INPP4B: variants seen among roughly 807,000 people sequenced by gnomAD.
INPP4B encodes inositol polyphosphate 4-phosphatase type II.
Under a neutral mutation model 122.5 loss-of-function variants are expected in INPP4B, and 55 were observed. That is an observed-to-expected ratio of 0.45 (90% confidence interval 0.36 to 0.56). The LOEUF is 0.56. INPP4B is among the 20% of genes least tolerant of loss of function. INPP4B has a pLI of 0.00. For missense variants in INPP4B, 1,000 were observed against 1,097.7 expected, an observed-to-expected ratio of 0.91 and a Z score of 1.26; for synonymous variants, 403 against 388.7, an observed-to-expected ratio of 1.04 and a Z score of -0.43.
intron 2 of INPP4B, among the ~76,000 whole-genome samples, chr4:142,635,092 A>C (rs1748812555): frequency 6.6e-6 from 1 of 152,166 alleles, no homozygotes; most frequent in African/African-American, 2.4e-5. Context: ...TGTGGCCAAC[A>C]AACATATGGA....
chr4:142,185,251 GAA>G (rs1433247064), intron 15 of INPP4B, among the ~76,000 whole-genome samples: 4 of 151,926 alleles, frequency 2.6e-5, no homozygotes, highest in Non-Finnish European at 5.9e-5. Context: ...TTTTATTAAG[GAA>G]AATAACCCCC....
intron 2 of INPP4B, among the ~76,000 whole-genome samples, chr4:142,691,333 T>A (rs1867215): frequency 1.0e-4 from 15 of 149,254 alleles, no homozygotes; most frequent in African/African-American, 3.7e-4. Context: ...GCAAAGTTTT[T>A]TTTTTTTTTT....
intron 2 of INPP4B, among the ~76,000 whole-genome samples, chr4:142,603,234 G>T (rs1484761698): frequency 2.0e-5 from 3 of 152,012 alleles, no homozygotes; most frequent in Non-Finnish European, 4.4e-5. Flanking sequence ...TCAGAGAGGG[G>T]TGTGGGGGGA....
At chr4:142,612,825 G>A (rs1208227525) in intron 2 of INPP4B, among the ~76,000 whole-genome samples, 1 of 152,076 alleles carries the variant, frequency 6.6e-6, no homozygotes, top group Non-Finnish European at 1.5e-5. Context: ...TATGAAATTG[G>A]TGGAAAAGAA....
chr4:142,037,341 G>A (rs1032809413), intron 25 of INPP4B, among the ~76,000 whole-genome samples: 3 of 151,938 alleles, frequency 2.0e-5, no homozygotes, highest in African/African-American at 7.3e-5. Context: ...TTTTCTGCAA[G>A]TATCTATGCT....
At chr4:142,361,763 A>G (rs1785481978) in intron 7 of INPP4B, among the ~76,000 whole-genome samples, 1 of 151,928 alleles carries the variant, frequency 6.6e-6, no homozygotes, top group Non-Finnish European at 1.5e-5. Flanking sequence ...CCTTATTTAT[A>G]GGTGGATATT....
chr4:142,085,914 G>C (rs575592103), intron 24 of INPP4B, among the ~76,000 whole-genome samples: 1 of 152,176 alleles, frequency 6.6e-6, no homozygotes, highest in Non-Finnish European at 1.5e-5. Context: ...TCCAAGGTTG[G>C]TAAGAATAGC....
chr4:142,153,715 A>T (rs1815636441), intron 17 of INPP4B, among the ~76,000 whole-genome samples: 1 of 152,224 alleles, frequency 6.6e-6, no homozygotes, highest in Admixed American at 6.5e-5. Flanking sequence ...AAGTCTATCC[A>T]TTCACTTATT....
chr4:142,642,653 C>T (rs375295320), intron 2 of INPP4B, among the ~76,000 whole-genome samples: 1 of 152,290 alleles, frequency 6.6e-6, no homozygotes, highest in South Asian at 2.1e-4. Flanking sequence ...CAGTACCATG[C>T]TGTTTTGGTT....
rs548378688 is a variant in INPP4B at position 142,086,149 on chromosome 4, C to T, written c.2482G>A (p.Ala828Thr). Residue 828 changes from alanine (A) to threonine (T), a missense_variant, in exon 24 of 26, where the codon GCA (alanine) becomes ACA (threonine). Physicochemically the swap from Ala to Thr is moderately conservative, Grantham distance 58 (BLOSUM62 0). Transcript: ENST00000262992. ...RKNVEIMWLA[A>T]TICRKLNGIR... is the part of the protein sequence containing the mutation. Reference sequence around the variant, plus strand: ...TTTGACATGAGAGTGCTTACCGTTGCAGCCAGCCACATAATTTCTACATTC... The same window carrying T: ...TTTGACATGAGAGTGCTTACCGTTGTAGCCAGCCACATAATTTCTACATTC... 2.3e-5 allele frequency: 36 copies of T among 1,570,140 alleles called. No individual in the cohort carries two copies. The Admixed American group carries it at 3.0e-4, about 13-fold the overall frequency.
intron 25 of INPP4B, among the ~76,000 whole-genome samples, chr4:142,062,802 T>C (rs999743735): frequency 3.3e-5 from 5 of 150,766 alleles, no homozygotes; most frequent in African/African-American, 1.2e-4. Flanking sequence ...AAAACTTTTT[T>C]AGATGAATAT....
chr4:142,457,160 A>G (rs1326437635), intron 3 of INPP4B, among the ~76,000 whole-genome samples: 1 of 152,070 alleles, frequency 6.6e-6, no homozygotes, highest in Non-Finnish European at 1.5e-5. Context: ...ATCTAATTGT[A>G]AAACCTAAAA....
At chr4:142,684,634 A>G (rs1376563365) in intron 2 of INPP4B, among the ~76,000 whole-genome samples, 1 of 152,046 alleles carries the variant, frequency 6.6e-6, no homozygotes, top group Non-Finnish European at 1.5e-5. Context: ...AAAATAAAAA[A>G]GCCAATAACT....
intron 2 of INPP4B, among the ~76,000 whole-genome samples, chr4:142,664,515 A>G: frequency 6.6e-6 from 1 of 152,138 alleles, no homozygotes; most frequent in South Asian, 2.1e-4. Flanking sequence ...TAGAATGCCA[A>G]AATCAGGTTT....
chr4:142,176,284 C>T (rs1828237216), intron 15 of INPP4B, among the ~76,000 whole-genome samples: 1 of 151,718 alleles, frequency 6.6e-6, no homozygotes, highest in African/African-American at 2.4e-5. Context: ...CTATCCCTCC[C>T]CACTGCCCAA....
chr4:142,214,672 C>A (rs1846296118), intron 12 of INPP4B, among the ~76,000 whole-genome samples: 1 of 152,184 alleles, frequency 6.6e-6, no homozygotes, highest in Non-Finnish European at 1.5e-5. Context: ...CCTGCCTCAG[C>A]CTACCATGTA....
At chr4:142,293,955 C>T (rs1173048393) in intron 9 of INPP4B, among the ~76,000 whole-genome samples, 1 of 152,132 alleles carries the variant, frequency 6.6e-6, no homozygotes, top group Non-Finnish European at 1.5e-5. Flanking sequence ...AGTTAAAATA[C>T]CACATGTTCT....
At chr4:142,660,396 C>A (rs1754956971) in intron 2 of INPP4B, among the ~76,000 whole-genome samples, 1 of 152,034 alleles carries the variant, frequency 6.6e-6, no homozygotes, top group Non-Finnish European at 1.5e-5. Context: ...TCAGTCTGTA[C>A]CCCTTAAAAT....
At chr4:142,068,626 G>T (rs921978766) in intron 25 of INPP4B, among the ~76,000 whole-genome samples, 2 of 152,132 alleles carry the variant, frequency 1.3e-5, no homozygotes, top group Non-Finnish European at 2.9e-5. Context: ...AAAATAAAGG[G>T]ATGGAGAAAG....
Sources: allele counts gnomAD v4.1 joint callset (sites outside exome capture counted in the v4.1 genomes callset), GRCh38; gene constraint gnomAD v4.1.1; transcripts MANE v1.5; gene names NCBI Gene and HGNC (gene_info 2026-07-23, HGNC 2026-07-21).